MNX1: variants seen among roughly 807,000 people sequenced by gnomAD.
MNX1 encodes motor neuron and pancreas homeobox 1, also known as motor neuron and pancreas homeobox protein 1.
A neutral mutation model predicts 17.3 loss-of-function variants in MNX1; 2 were observed. The observed-to-expected ratio is 0.12, with a 90% CI of 0.05 to 0.36. The LOEUF is 0.36. Ranked by LOEUF, MNX1 falls within the 10% of genes least tolerant of loss-of-function variation. The pLI is 1.00. For synonymous variants in MNX1, 306 were observed against 283.1 expected (o/e 1.08, Z -0.81); for missense variants, 556 against 564.7 (o/e 0.98, Z 0.16).
rs1554594329 is a variant in MNX1 at position 157,010,297 on chromosome 7, T to TG, written c.53dup (p.Arg19ThrfsTer37). 1.3e-6 allele frequency: 2 copies of TG among 1,567,706 alleles called. No individual in the cohort carries two copies. Among genetic ancestry groups the TG allele is most frequent in the Admixed American group, 1.8e-5 (1 of 56,420 alleles). ...GCGCGCTCTGCGCAGAGGCGGCTCG[T>TG]GGGGGGTCCACCGCCAGCAGGGCGT... On this transcript the variant is annotated frameshift_variant, in exon 1 of 3. Coordinates refer to ENST00000252971, the MANE Select transcript of MNX1 (RefSeq NM_005515.4). LOFTEE classifies it high-confidence loss of function.
Position 157,005,683 on chromosome 7 carries a change from A to AG in MNX1, c.1042dup (p.Leu348ProfsTer8). On this transcript the variant is annotated frameshift_variant, in exon 3 of 3. Coordinates refer to ENST00000252971, the MANE Select transcript of MNX1 (RefSeq NM_005515.4). LOFTEE classifies it low-confidence loss of function (END_TRUNC). Reference sequence around the variant, plus strand: ...GGGGTCACTGTCCCTCAAGTCCCGCAGGCGGCGTCCGCTGCCCTTGTCTCC... The same window carrying AG: ...GGGGTCACTGTCCCTCAAGTCCCGCAGGGCGGCGTCCGCTGCCCTTGTCTCC... The AG allele has an allele frequency of 6.2e-7, 1 of 1,610,368 alleles. No individual in the cohort carries two copies. The highest frequency in any genetic ancestry group is 8.5e-7 in the Non-Finnish European group (1 of 1,179,202).
Position 157,005,628 on chromosome 7 carries a change from G to A in MNX1, c.1098C>T (p.Asp366=), listed in dbSNP as rs776975233. The change falls in exon 3 of 3, where the codon GAC becomes GAT. Residue 366 remains aspartate, a synonymous_variant. Coordinates refer to ENST00000252971, the MANE Select transcript of MNX1 (RefSeq NM_005515.4). ...PEEDEDEDDE[D]HFPYSNGASV... ...TGGCGCCGTTGCTGTAGGGGAAATGGTCCTCGTCGTCCTCGTCCTCGTCCT... is the reference window on the plus strand; with the variant it reads ...TGGCGCCGTTGCTGTAGGGGAAATGATCCTCGTCGTCCTCGTCCTCGTCCT... 3.7e-6 allele frequency: 6 copies of A among 1,609,180 alleles called. No individual in the cohort carries two copies. In the South Asian group the frequency reaches 4.4e-5, roughly 12 times the overall value.
chr7:157,009,791 G>A lies in MNX1; in HGVS notation c.560C>T (p.Pro187Leu), dbSNP rs766340212. ...CGCGGGGTGCGCGCCTTGCACCTGC[G>A]GGTACGAGTAGGAGAGCGCCGGGTG... ...GQHPALSYSY[P>L]QVQGAHPAHP... Residue 187 changes from proline (P) to leucine (L), a missense_variant, in exon 1 of 3, where the codon CCG becomes CTG. Coordinates refer to ENST00000252971, the MANE Select transcript of MNX1 (RefSeq NM_005515.4). The A allele has an allele frequency of 3.2e-6, 5 of 1,575,996 alleles. No homozygotes were observed. Among genetic ancestry groups the A allele is most frequent in the Non-Finnish European group, 3.4e-6 (4 of 1,166,858 alleles).
chr7:157,010,503 C>G lies in MNX1; in HGVS notation c.-153G>C. 2.0e-6 allele frequency: 1 copy of G among 489,732 alleles called. No individual in the cohort carries two copies. The highest frequency in any genetic ancestry group is 3.5e-6 in the Non-Finnish European group (1 of 288,484). The allele number at this position is 489,732 out of a possible 1,614,324, so 30.3% of individuals were successfully genotyped here. ...TCAAAGTCGCCGCCGGAAACTCAGCCGAGGGTGACCATGGTCCCGGCGCCT... is the reference window on the plus strand; with the variant it reads ...TCAAAGTCGCCGCCGGAAACTCAGCGGAGGGTGACCATGGTCCCGGCGCCT... On this transcript the variant is annotated 5_prime_UTR_variant, in exon 1 of 3. Coordinates refer to ENST00000252971, the MANE Select transcript of MNX1 (RefSeq NM_005515.4).
Position 157,006,626 on chromosome 7 carries a change from C to A in MNX1, c.705G>T (p.Ser235=). The A allele has an allele frequency of 1.3e-6, 2 of 1,596,222 alleles. No homozygotes were observed. The highest frequency in any genetic ancestry group is 2.3e-5 in the East Asian group (1 of 44,188). The change falls in exon 2 of 3, where the codon TCG becomes TCT. Residue 235 remains serine (S), a synonymous_variant. Coordinates refer to ENST00000252971, the MANE Select transcript of MNX1 (RefSeq NM_005515.4). This position sits in a 1 kb window ranked among gnomAD's most constrained non-coding sequence, Gnocchi z 6.3. The stretch of plus-strand genomic sequence containing the variant: ...GCCGGCGGCACTTCCCCAGGAGGTT[C>A]GACTGCGCCTGGGCTGGGGACCAAA... ...KMPDFNSQAQ[S]NLLGKCRRPR...
At position 157,010,554 on chromosome 7, in the gene MNX1, C is replaced by T. The variant is rs1805697413; in HGVS notation, c.-204G>A. 5.4e-6 allele frequency: 2 copies of T among 370,646 alleles called. No individual in the cohort carries two copies. The highest frequency in any genetic ancestry group is 1.3e-4 in the South Asian group (2 of 15,444). The allele number at this position is 370,646 out of a possible 1,614,324, so 23.0% of individuals were successfully genotyped here. ...CCTCCGTGCGGGCCCCGCCCCGGGC[C>T]GCGCTCGCACAAACTCCCACGCGAG... On this transcript the variant is annotated 5_prime_UTR_variant, in exon 1 of 3. Coordinates refer to ENST00000252971, the MANE Select transcript of MNX1 (RefSeq NM_005515.4).
Position 157,005,667 on chromosome 7 carries a change from G to T in MNX1, c.1059C>A (p.Asp353Glu), listed in dbSNP as rs756772840. Reference protein sequence around the residue: ...GSGRRLRDLRDSDPEEDEDED... With the variant: ...GSGRRLRDLRESDPEEDEDED... The stretch of plus-strand genomic sequence containing the variant: ...CGTCCTCGTCCTCCTCGGGGTCACT[G>T]TCCCTCAAGTCCCGCAGGCGGCGTC... The change falls in exon 3 of 3, where the codon GAC (aspartate) becomes GAA (glutamate). Residue 353 changes from aspartate (D) to glutamate (E), a missense_variant. Physicochemically the swap from Asp to Glu is conservative, Grantham distance 45 (BLOSUM62 2). This residue lies in a region of MNX1 where 178 missense variants were observed against 155.2 expected (regional missense o/e 1.15). Transcript: ENST00000252971. 67 of 1,610,632 alleles carry T rather than the reference G, an allele frequency of 4.2e-5. No individual in the cohort carries two copies. The highest frequency in any genetic ancestry group is 5.7e-5 in the Non-Finnish European group (67 of 1,179,322).
rs1420295593 is a variant in MNX1, at chr7:157,010,056, C to A, written c.295G>T (p.Ala99Ser). Reference sequence around the variant, plus strand: ...CCCGTGCCGCCGCCGCCGCCGCCCGCGCCCAGGAAGCCCGGCTTGGGCAGC... The same window carrying A: ...CCCGTGCCGCCGCCGCCGCCGCCCGAGCCCAGGAAGCCCGGCTTGGGCAGC... ...ALLPKPGFLG[A>S]GGGGGGTGGG... Residue 99 changes from alanine (A) to serine (S), a missense_variant, in exon 1 of 3, where the codon GCG becomes TCG. Coordinates refer to ENST00000252971, the MANE Select transcript of MNX1 (RefSeq NM_005515.4). 3 of 999,842 alleles carry A rather than the reference C, an allele frequency of 3.0e-6. No homozygotes were observed. The highest frequency in any genetic ancestry group is 3.5e-5 in the African/African-American group (2 of 56,642). The allele number at this position is 999,842 out of a possible 1,614,324, so 61.9% of individuals were successfully genotyped here.
At chr7:157,008,837 C>A in intron 1 of MNX1, 1 of 695,688 alleles carries the variant, frequency 1.4e-6, no homozygotes, top group Non-Finnish European at 2.4e-6. Flanking sequence ...AGCCCCGGAG[C>A]CCCAGCCCGG....
chr7:157,009,622 C>T lies in MNX1; in HGVS notation c.691+38G>A, dbSNP rs1393514089. 2.5e-6 allele frequency: 4 copies of T among 1,597,362 alleles called. No individual in the cohort carries two copies. The Admixed American group carries it at 6.8e-5, about 27-fold the overall frequency. ...GCCGGTGGAGGATGCGCGAGGCCCT[C>T]CCGCCACGCGCATCCACGGGGGCCG... On this transcript the variant is annotated intron_variant, in intron 1 of 2. Transcript: ENST00000252971.
Position 157,009,587 on chromosome 7 carries a change from G to A in MNX1, c.691+73C>T, listed in dbSNP as rs1805668883. ...TCGCTGGGAGCCAAGCGCAGAGAGG[G>A]GCAGGCGGTGCCGGTGGAGGATGCG... On this transcript the variant is annotated intron_variant, in intron 1 of 2. Coordinates refer to ENST00000252971, the MANE Select transcript of MNX1 (RefSeq NM_005515.4). 58 of 1,564,000 alleles carry A rather than the reference G, an allele frequency of 3.7e-5. No homozygotes were observed. The South Asian group carries it at 6.0e-4, about 16-fold the overall frequency.
At position 157,006,352 on chromosome 7, in the gene MNX1, G is replaced by C. The variant is rs954762439; in HGVS notation, c.852+127C>G. 29 of 1,106,346 alleles carry C rather than the reference G, an allele frequency of 2.6e-5. No homozygotes were observed. In the African/African-American group the frequency reaches 4.1e-4, roughly 16 times the overall value. The allele number at this position is 1,106,346 out of a possible 1,614,324, so 68.5% of individuals were successfully genotyped here. ...CGCTCTGGGCACCTTAGATGAACCC[G>C]TGCGCCCGCCGTCTGAACCGTCGAG... is the stretch of plus-strand genomic sequence containing the variant. On this transcript the variant is annotated intron_variant, in intron 2 of 2. Coordinates refer to ENST00000252971, the MANE Select transcript of MNX1 (RefSeq NM_005515.4). The surrounding 1 kb of genome is among the most constrained non-coding windows in gnomAD (Gnocchi z 6.3).
chr7:157,010,371 C>T lies in MNX1; in HGVS notation c.-21G>A, dbSNP rs779374173. On this transcript the variant is annotated 5_prime_UTR_variant, in exon 1 of 3. Transcript: ENST00000252971. Reference sequence around the variant, plus strand: ...TCCATCGGCTCGTTTGGGGCTGGCGCTCAGGGCCCGGTGGCGGGCGACGCG... The same window carrying T: ...TCCATCGGCTCGTTTGGGGCTGGCGTTCAGGGCCCGGTGGCGGGCGACGCG... The T allele has an allele frequency of 2.6e-6, 4 of 1,561,106 alleles. No homozygotes were observed. Among genetic ancestry groups the T allele is most frequent in the Admixed American group, 1.8e-5 (1 of 55,356 alleles).
chr7:157,009,957 C>CGGCGGCGGT lies in MNX1; in HGVS notation c.393_394insACCGCCGCC (p.Ala131_Ala132insThrAlaAla). The stretch of plus-strand genomic sequence containing the variant: ...CCCAGCGCCAGGCCCCCAGCGGCGG[C>CGGCGGCGGT]GGCGGCGGCGGCGGCGGCGGCAGCG... On this transcript the variant is annotated inframe_insertion, in exon 1 of 3. Coordinates refer to ENST00000252971, the MANE Select transcript of MNX1 (RefSeq NM_005515.4). 1 of 971,192 alleles carries CGGCGGCGGT rather than the reference C, an allele frequency of 1.0e-6. No individual in the cohort carries two copies. Among genetic ancestry groups the CGGCGGCGGT allele is most frequent in the East Asian group, 1.1e-4 (1 of 8,806 alleles). The allele number at this position is 971,192 out of a possible 1,614,324, so 60.2% of individuals were successfully genotyped here.
In MNX1 at chr7:157,009,832, AGCCGCCGCC is replaced by A. The variant is rs748208450; in HGVS notation, c.510_518del (p.Ala172_Ala174del). ...GCGCCGGGTGCTGGCCCGCCAGCGC[AGCCGCCGCC>A]GCCGCCGCGGAGTAGCCGTAGACCG... On this transcript the variant is annotated inframe_deletion, in exon 1 of 3. Coordinates refer to ENST00000252971, the MANE Select transcript of MNX1 (RefSeq NM_005515.4). 32 of 1,513,918 alleles carry A rather than the reference AGCCGCCGCC, an allele frequency of 2.1e-5. No homozygotes were observed. The highest frequency in any genetic ancestry group is 2.5e-5 in the Non-Finnish European group (29 of 1,138,902). 93.8% of individuals were successfully genotyped at this position (1,513,918 alleles called of 1,614,324 possible). A position where few individuals can be genotyped will look rare whatever the true frequency, so the allele number is the denominator to read the frequency against.
In MNX1 at chr7:157,009,849, C is replaced by T; in HGVS notation, c.502G>A (p.Ala168Thr). ...GCCAGCGCAGCCGCCGCCGCCGCCG[C>T]GGAGTAGCCGTAGACCGGGTGGCCG... is the stretch of plus-strand genomic sequence containing the variant. Reference protein sequence around the residue: ...LYGHPVYGYSAAAAAAALAGQ... With the variant: ...LYGHPVYGYSTAAAAAALAGQ... Residue 168 changes from alanine to threonine, a missense_variant, in exon 1 of 3, where the codon GCG becomes ACG. By Grantham distance (58) the Ala-to-Thr change is moderately conservative. Transcript: ENST00000252971. 1 of 1,509,998 alleles carries T rather than the reference C, an allele frequency of 6.6e-7. No individual in the cohort carries two copies. Among genetic ancestry groups the T allele is most frequent in the Non-Finnish European group, 8.8e-7 (1 of 1,137,298 alleles). 93.5% of individuals were successfully genotyped at this position (1,509,998 alleles called of 1,614,324 possible).
Position 157,005,625 on chromosome 7 carries a change from A to G in MNX1, c.1101T>C (p.His367=). 1 of 1,609,066 alleles carries G rather than the reference A, an allele frequency of 6.2e-7. No homozygotes were observed. Among genetic ancestry groups the G allele is most frequent in the Non-Finnish European group, 8.5e-7 (1 of 1,178,652 alleles). The change falls in exon 3 of 3, where the codon CAT becomes CAC. Residue 367 remains histidine (H), a synonymous_variant. Coordinates refer to ENST00000252971, the MANE Select transcript of MNX1 (RefSeq NM_005515.4). ...EEDEDEDDED[H]FPYSNGASVH... is the part of the protein sequence containing the mutation. ...CGCTGGCGCCGTTGCTGTAGGGGAA[A>G]TGGTCCTCGTCGTCCTCGTCCTCGT... is the stretch of plus-strand genomic sequence containing the variant.
chr7:157,008,881 C>T, intron 1 of MNX1: 2 of 1,092,636 alleles, frequency 1.8e-6, no homozygotes, highest in East Asian at 2.6e-5. Context: ...CCTGAGGGGC[C>T]CAGGCCTCTG....
chr7:157,006,173 G>A lies in MNX1; in HGVS notation c.853-300C>T, dbSNP rs1279823202. 2 of 586,464 alleles carry A rather than the reference G, an allele frequency of 3.4e-6. No homozygotes were observed. Among genetic ancestry groups the A allele is most frequent in the Non-Finnish European group, 6.0e-6 (2 of 331,554 alleles). The allele number at this position is 586,464 out of a possible 1,614,324, so 36.3% of individuals were successfully genotyped here. A position where few individuals can be genotyped will look rare whatever the true frequency, so the allele number is the denominator to read the frequency against. On this transcript the variant is annotated intron_variant, in intron 2 of 2. Coordinates refer to ENST00000252971, the MANE Select transcript of MNX1 (RefSeq NM_005515.4). The surrounding 1 kb of genome is among the most constrained non-coding windows in gnomAD (Gnocchi z 6.3). Reference sequence around the variant, plus strand: ...CTCCGTCTGCGGAGGAAGGGTCAGGGCAGCTGGCTACGTCGCGGTAAATCT... The same window carrying A: ...CTCCGTCTGCGGAGGAAGGGTCAGGACAGCTGGCTACGTCGCGGTAAATCT...
Sources: gnomAD v4.1 joint callset for allele counts on GRCh38, gnomAD v4.1.1 for gene constraint, gnomAD v4.1.1 regional missense constraint, Gnocchi (gnomAD v3.1) non-coding constraint, MANE v1.5 for transcripts, NCBI Gene and HGNC (gene_info 2026-07-23, HGNC 2026-07-21) for gene names.